ADAMTS14: variants seen among roughly 807,000 people sequenced by gnomAD.
ADAMTS14 encodes ADAM metallopeptidase with thrombospondin type 1 motif 14, also known as A disintegrin and metalloproteinase with thrombospondin motifs 14.
Under a neutral mutation model 128.6 loss-of-function variants are expected in ADAMTS14, and 100 were observed. The ratio of observed to expected loss-of-function variants is 0.78; its 90% CI spans 0.66 to 0.92. The LOEUF is 0.92. Among genes scored for constraint, ADAMTS14 ranks in the 40% least tolerant of loss-of-function variants. The pLI, the probability that ADAMTS14 is intolerant of heterozygous loss-of-function variation, is 0.00. For synonymous variants in ADAMTS14, 665 were observed against 653.8 expected, an observed-to-expected ratio of 1.02 and a Z score of -0.26; for missense variants, 1,562 against 1,658.6, an observed-to-expected ratio of 0.94 and a Z score of 1.01.
At chr10:70,749,776 T>C in intron 15 of ADAMTS14, 46 bp from the exon 16 acceptor site, 1 of 1,599,224 alleles carries the variant, frequency 6.3e-7, no homozygotes, top group African/African-American at 1.3e-5. Flanking sequence ...CCGCCCCCTG[T>C]GGAGAGGAGC....
intron 15 of ADAMTS14, among the ~76,000 whole-genome samples, chr10:70,746,903 T>C (rs956159445): frequency 6.6e-6 from 1 of 152,058 alleles, no homozygotes; most frequent in Non-Finnish European, 1.5e-5. Flanking sequence ...TTCAGACCCC[T>C]TTGCAGAGGA....
intron 1 of ADAMTS14, among the ~76,000 whole-genome samples, chr10:70,673,483 C>T (rs890713034): frequency 6.6e-6 from 1 of 152,162 alleles, no homozygotes; most frequent in African/African-American, 2.4e-5. Flanking sequence ...ATGGGGTACC[C>T]TCCTGGTGGC....
intron 2 of ADAMTS14, among the ~76,000 whole-genome samples, chr10:70,692,135 T>C (rs1424859098): frequency 2.0e-5 from 3 of 152,054 alleles, no homozygotes; most frequent in African/African-American, 7.2e-5. Context: ...GAGGTCGCCG[T>C]AGTTTTGTAA....
At chr10:70,692,678 C>T (rs1255575988) in intron 2 of ADAMTS14, among the ~76,000 whole-genome samples, 1 of 152,152 alleles carries the variant, frequency 6.6e-6, no homozygotes, top group Non-Finnish European at 1.5e-5. Context: ...AAAGAAATTG[C>T]CTACAGTCTT....
At chr10:70,713,255 G>T (rs770116343) in intron 4 of ADAMTS14, among the ~76,000 whole-genome samples, 1 of 150,874 alleles carries the variant, frequency 6.6e-6, no homozygotes, top group Non-Finnish European at 1.5e-5. Flanking sequence ...TTCACTGCCA[G>T]CCTTGGCTAA....
chr10:70,751,994 A>G, intron 17 of ADAMTS14, 101 bp from the exon 18 acceptor site: 1 of 1,494,792 alleles, frequency 6.7e-7, no homozygotes, highest in Non-Finnish European at 9.0e-7. Context: ...GGGAGGTGGG[A>G]TTGGCCCACA....
rs771648359 is a variant in ADAMTS14 at position 70,736,785 on chromosome 10, C to T, written c.1591C>T (p.Pro531Ser). The T allele has an allele frequency of 2.5e-6, 4 of 1,613,544 alleles. No individual in the cohort carries two copies. The South Asian group carries it at 3.3e-5, about 13-fold the overall frequency. The change falls in exon 10 of 22, where the codon CCC (proline) becomes TCC (serine). Residue 531 changes from proline (P) to serine (S), a missense_variant. By Grantham distance (74) the Pro-to-Ser change is moderately conservative. Transcript: ENST00000373207. ...CCCGCTGGATGGGACTGAGTGTGCA[C>T]CCGGCAAGGTACCTGTGGGGTGTGC... ...GPPLDGTECA[P>S]GKWCFKGHCI...
At position 70,672,835 on chromosome 10, in the gene ADAMTS14, G is replaced by T; in HGVS notation, c.33G>T (p.Leu11=). 6.6e-7 allele frequency: 1 copy of T among 1,516,920 alleles called. No individual in the cohort carries two copies. The highest frequency in any genetic ancestry group is 8.8e-7 in the Non-Finnish European group (1 of 1,136,910). 94.0% of individuals were successfully genotyped at this position (1,516,920 alleles called of 1,614,324 possible). A position where few individuals can be genotyped will look rare whatever the true frequency, so the allele number is the denominator to read the frequency against. ...CACTCCGCGCGCTGCTGTCCTACCT[G>T]CTGCCTTTGCACTGTGCGCTCTGCG... MAPLRALLSY[L]LPLHCALCAA... is the part of the protein sequence containing the mutation. The change falls in exon 1 of 22, where the codon CTG becomes CTT. Residue 11 remains leucine (L), a synonymous_variant. Transcript: ENST00000373207.
In ADAMTS14 at chr10:70,674,821, A is replaced by C. The variant is rs1839594309; in HGVS notation, c.348A>C (p.Glu116Asp). The C allele has an allele frequency of 6.2e-7, 1 of 1,613,890 alleles. No individual in the cohort carries two copies. The highest frequency in any genetic ancestry group is 8.5e-7 in the Non-Finnish European group (1 of 1,180,014). The change falls in exon 2 of 22, where the codon GAA (glutamate) becomes GAC (aspartate). Residue 116 changes from glutamate (E) to aspartate (D), a missense_variant. By Grantham distance (45) the Glu-to-Asp change is conservative. Transcript: ENST00000373207. ...TCAATGTCACTGTTTTCGGGAAGGAACTGCACTTGCGCCTGCGGCCCAATC... is the reference window on the plus strand; with the variant it reads ...TCAATGTCACTGTTTTCGGGAAGGACCTGCACTTGCGCCTGCGGCCCAATC... ...LYFNVTVFGK[E>D]LHLRLRPNRR...
At position 70,736,733 on chromosome 10, in the gene ADAMTS14, G is replaced by C; in HGVS notation, c.1539G>C (p.Pro513=). The C allele has an allele frequency of 6.2e-7, 1 of 1,613,806 alleles. No individual in the cohort carries two copies. The highest frequency in any genetic ancestry group is 8.5e-7 in the Non-Finnish European group (1 of 1,179,814). Residue 513 remains proline, a synonymous_variant, in exon 10 of 22, where the codon CCG becomes CCC. Transcript: ENST00000373207. The part of the protein sequence containing the change: ...KQLWCSHPDN[P]YFCKTKKGPP... ...TGTGGTGCAGCCATCCTGACAACCC[G>C]TACTTCTGCAAGACCAAGAAGGGGC...
At chr10:70,744,210 G>A in intron 14 of ADAMTS14, 21 bp downstream of exon 14, 1 of 1,504,750 alleles carries the variant, frequency 6.6e-7, no homozygotes, top group Non-Finnish European at 8.9e-7. Flanking sequence ...CTGGGGCTGG[G>A]GGGATGACGA....
intron 4 of ADAMTS14, among the ~76,000 whole-genome samples, chr10:70,709,120 G>A (rs1450525421): frequency 6.6e-6 from 1 of 152,216 alleles, no homozygotes; most frequent in Non-Finnish European, 1.5e-5. Flanking sequence ...GTCAGGCGTG[G>A]CCTGGAGCCT....
At chr10:70,713,473 C>G (rs955697608) in intron 4 of ADAMTS14, among the ~76,000 whole-genome samples, 1 of 152,200 alleles carries the variant, frequency 6.6e-6, no homozygotes, top group East Asian at 1.9e-4. Flanking sequence ...CCCCAGGGGC[C>G]ACAGGATGAG....
In ADAMTS14 at chr10:70,744,097, T is replaced by C; in HGVS notation, c.2090T>C (p.Met697Thr). The part of the protein sequence containing the change: ...PVGCDKEVGS[M>T]KADDKCGVCG... ...GGCTGTGACAAGGAGGTGGGGTCCA[T>C]GAAGGCGGATGACAAGTGTGGAGTC... Residue 697 changes from methionine to threonine, a missense_variant, in exon 14 of 22, where the codon ATG becomes ACG. Coordinates refer to ENST00000373207, the MANE Select transcript of ADAMTS14 (RefSeq NM_080722.4). 7.7e-6 allele frequency: 12 copies of C among 1,565,378 alleles called. No homozygotes were observed. Among genetic ancestry groups the C allele is most frequent in the Non-Finnish European group, 1.0e-5 (12 of 1,154,988 alleles).
chr10:70,722,233 T>C (rs1487265678), intron 4 of ADAMTS14, among the ~76,000 whole-genome samples: 1 of 152,170 alleles, frequency 6.6e-6, no homozygotes, highest in Non-Finnish European at 1.5e-5. Context: ...CAGAGTCACC[T>C]TGTGCCTTGT....
intron 6 of ADAMTS14, among the ~76,000 whole-genome samples, chr10:70,730,698 A>G (rs921449785): frequency 6.6e-6 from 1 of 152,140 alleles, no homozygotes; most frequent in African/African-American, 2.4e-5. Flanking sequence ...AGATCTCTTC[A>G]TCTCCCTGGG....
intron 2 of ADAMTS14, among the ~76,000 whole-genome samples, chr10:70,700,489 G>A (rs1564526701): frequency 6.6e-6 from 1 of 152,192 alleles, no homozygotes; most frequent in Non-Finnish European, 1.5e-5. Context: ...GAGAGGAGAT[G>A]TGTCTGCAAG....
chr10:70,690,914 G>A (rs1840164591), intron 2 of ADAMTS14, among the ~76,000 whole-genome samples: 1 of 145,006 alleles, frequency 6.9e-6, no homozygotes, highest in South Asian at 2.2e-4. Context: ...AGGACTCAGG[G>A]CCAAGCAGGG....
At chr10:70,715,816 G>A (rs1841020249) in intron 4 of ADAMTS14, among the ~76,000 whole-genome samples, 1 of 152,174 alleles carries the variant, frequency 6.6e-6, no homozygotes, top group African/African-American at 2.4e-5. Flanking sequence ...CTCCAATCTG[G>A]AGTTATAAGA....
Sources: gnomAD v4.1 joint callset for allele counts (sites outside exome capture counted in the v4.1 genomes callset) on GRCh38, gnomAD v4.1.1 for gene constraint, MANE v1.5 for transcripts, NCBI Gene and HGNC (gene_info 2026-07-23, HGNC 2026-07-21) for gene names.